ASPRV1: variants seen among roughly 807,000 people sequenced by gnomAD.
ASPRV1 encodes retroviral-like aspartic protease 1.
A neutral mutation model predicts 11.0 loss-of-function variants in ASPRV1; 7 were observed. The observed-to-expected ratio is 0.64, with a 90% CI of 0.36 to 1.20. The LOEUF (loss-of-function observed/expected upper bound fraction) is 1.20. Among genes scored for constraint, ASPRV1 ranks in the 50% most tolerant of loss-of-function variants. The pLI is 0.02. For synonymous variants in ASPRV1, 136 were observed against 138.4 expected, an observed-to-expected ratio of 0.98 and a Z score of 0.12; for missense variants, 299 against 320.0, an observed-to-expected ratio of 0.93 and a Z score of 0.50.
chr2:70,051,317 G>A, the ASPRV1 span: 1 of 152,108 alleles, frequency 6.6e-6, no homozygotes, highest in African/African-American at 2.4e-5. Flanking sequence ...TGTCAGATGA[G>A]GAAGACAAAA....
chr2:69,975,804 G>A, the ASPRV1 span: 2 of 152,338 alleles, frequency 1.3e-5, no homozygotes, highest in Admixed American at 6.5e-5. Flanking sequence ...TCTTTCCCCC[G>A]TGGTCAGTGA....
At chr2:69,981,666 C>T in the ASPRV1 span, among the ~76,000 whole-genome samples, 1 of 152,192 alleles carries the variant, frequency 6.6e-6, no homozygotes, top group South Asian at 2.1e-4. Flanking sequence ...GAGCAATTAT[C>T]CTGCCTCAGC....
the ASPRV1 span, among the ~76,000 whole-genome samples, chr2:69,966,945 G>A: frequency 1.3e-5 from 2 of 152,204 alleles, no homozygotes; most frequent in African/African-American, 4.8e-5. Flanking sequence ...AGAGGCAGGA[G>A]AGAGAGAAAC....
chr2:70,047,601 G>A, the ASPRV1 span, among the ~76,000 whole-genome samples: 1 of 152,174 alleles, frequency 6.6e-6, no homozygotes, highest in East Asian at 1.9e-4. Flanking sequence ...AGAGGCAGCT[G>A]GGGGATCCTC....
In ASPRV1 at chr2:69,960,501, G is replaced by T. The variant is rs1678043995; in HGVS notation, c.*156C>A. 1 of 783,728 alleles carries T rather than the reference G, an allele frequency of 1.3e-6. No homozygotes were observed. Among genetic ancestry groups the T allele is most frequent in the Non-Finnish European group, 2.0e-6 (1 of 503,068 alleles). 48.5% of individuals were successfully genotyped at this position (783,728 alleles called of 1,614,324 possible). Reference sequence around the variant, plus strand: ...GTGGAAGCCTCCCCTACCAGGGGCAGATTAAGGCCCCTGCAGAGGGAGGCA... The same window carrying T: ...GTGGAAGCCTCCCCTACCAGGGGCATATTAAGGCCCCTGCAGAGGGAGGCA... On this transcript the variant is annotated 3_prime_UTR_variant, in exon 1 of 1. Transcript: ENST00000320256.
At chr2:70,017,571 C>T in the ASPRV1 span, among the ~76,000 whole-genome samples, 1 of 152,030 alleles carries the variant, frequency 6.6e-6, no homozygotes, top group Non-Finnish European at 1.5e-5. Context: ...AAAATTTGTC[C>T]AAATCGCAAA....
the ASPRV1 span, chr2:69,938,094 C>T: frequency 1.2e-6 from 2 of 1,613,510 alleles, no homozygotes; most frequent in Admixed American, 1.7e-5. Flanking sequence ...GTCCTCCCTG[C>T]AGAAGAAATC....
chr2:70,060,340 C>CA, the ASPRV1 span, among the ~76,000 whole-genome samples: 2,811 of 51,956 alleles, frequency 0.054, 245 homozygotes, highest in African/African-American at 0.13. Context: ...GACTCCATCT[C>CA]AAAAAAAAAA....
the ASPRV1 span, among the ~76,000 whole-genome samples, chr2:70,020,888 G>A: frequency 0.23 from 34,615 of 151,936 alleles, 6,994 homozygotes; most frequent in African/African-American, 0.51. Flanking sequence ...TTTCATATGG[G>A]TAGTTTCAAT....
At chr2:70,014,967 G>A in the ASPRV1 span, among the ~76,000 whole-genome samples, 1 of 152,206 alleles carries the variant, frequency 6.6e-6, no homozygotes, top group East Asian at 1.9e-4. Context: ...TTTAAAATGG[G>A]TAAAGGACTT....
the ASPRV1 span, among the ~76,000 whole-genome samples, chr2:70,001,741 CA>C: frequency 3.9e-5 from 6 of 152,026 alleles, no homozygotes; most frequent in Admixed American, 1.3e-4. Context: ...GCCTGAGCAG[CA>C]AGAGCGAAAC....
the ASPRV1 span, chr2:70,081,408 T>C: frequency 6.6e-6 from 1 of 151,500 alleles, no homozygotes; most frequent in Non-Finnish European, 1.5e-5. Flanking sequence ...GGCAGGAGAA[T>C]CACTTGAACC....
the ASPRV1 span, among the ~76,000 whole-genome samples, chr2:70,006,207 A>G: frequency 6.6e-6 from 1 of 152,190 alleles, no homozygotes; most frequent in Non-Finnish European, 1.5e-5. Flanking sequence ...GCTGGGGGGT[A>G]AAACTGTCCC....
At chr2:70,070,616 T>C in the ASPRV1 span, 1 of 151,636 alleles carries the variant, frequency 6.6e-6, no homozygotes, top group East Asian at 1.9e-4. Flanking sequence ...CAGTGCAAAA[T>C]CCTGTCTCTA....
At chr2:69,956,725 ATAGT>A (rs1677950324), downstream of ASPRV1, among the ~76,000 whole-genome samples, 1 of 152,168 alleles carries the variant, frequency 6.6e-6, no homozygotes, top group Non-Finnish European at 1.5e-5. Context: ...CGGGGGTAAA[ATAGT>A]TATTTATGGA....
chr2:70,030,645 A>G, the ASPRV1 span: 1 of 152,328 alleles, frequency 6.6e-6, no homozygotes, highest in African/African-American at 2.4e-5. Context: ...TGATCCAATG[A>G]AAGTTTAAGA....
At chr2:70,068,812 G>A in the ASPRV1 span, among the ~76,000 whole-genome samples, 25 of 151,890 alleles carry the variant, frequency 1.6e-4, no homozygotes, top group Non-Finnish European at 2.7e-4. Context: ...AGTCGTGGTG[G>A]CACATGCCTA....
At chr2:70,023,454 G>C in the ASPRV1 span, among the ~76,000 whole-genome samples, 1 of 152,178 alleles carries the variant, frequency 6.6e-6, no homozygotes, top group South Asian at 2.1e-4. Flanking sequence ...TCTCTCTGCA[G>C]TAGATGCCTC....
chr2:70,079,953 G>A, the ASPRV1 span, among the ~76,000 whole-genome samples: 1 of 152,214 alleles, frequency 6.6e-6, no homozygotes, highest in African/African-American at 2.4e-5. Context: ...CAAATGCTTT[G>A]TCTGGTTGAA....
Sources: gnomAD v4.1 joint callset for allele counts (sites outside exome capture counted in the v4.1 genomes callset) on GRCh38, gnomAD v4.1.1 for gene constraint, MANE v1.5 for transcripts, NCBI Gene and HGNC (gene_info 2026-07-23, HGNC 2026-07-21) for gene names.